The following SCRN3 variants were observed in gnomAD, a reference collection of about 807,000 sequenced individuals.
SCRN3 encodes the protein secernin-3.
A neutral mutation model predicts 43.1 loss-of-function variants in SCRN3; 39 were observed. The ratio of observed to expected loss-of-function variants is 0.91; its 90% confidence interval spans 0.70 to 1.18. The LOEUF (loss-of-function observed/expected upper bound fraction) is 1.18. SCRN3 is among the 50% of genes most tolerant of loss of function. SCRN3 has a pLI of 0.00. For synonymous variants in SCRN3, 147 were observed against 163.1 expected, an observed-to-expected ratio of 0.90 and a Z score of 0.75; for missense variants, 484 against 498.0, an observed-to-expected ratio of 0.97 and a Z score of 0.27.
At chr2:174,421,679 A>T (rs572617726) in intron 5 of SCRN3, among the ~76,000 whole-genome samples, 1 of 152,168 alleles carries the variant, frequency 6.6e-6, no homozygotes, top group South Asian at 2.1e-4. Flanking sequence ...TTCAGATTGT[A>T]TCATAGTCTG....
At chr2:174,402,764 A>C (rs1403593864) in intron 4 of SCRN3, among the ~76,000 whole-genome samples, 1 of 152,160 alleles carries the variant, frequency 6.6e-6, no homozygotes, top group Non-Finnish European at 1.5e-5. Context: ...CATGACTTGG[A>C]TCTGGTTTTT....
At position 174,429,200 on chromosome 2, in the gene SCRN3, T is replaced by C. The variant is rs1686582711; in HGVS notation, c.*1305T>C. ...ACCCCTATACTCCTCTTCTCTCCTT[T>C]AATAGATGAGGAAACTAAGGGCAAA... On this transcript the variant is annotated 3_prime_UTR_variant, in exon 8 of 8. Coordinates refer to ENST00000272732, the MANE Select transcript of SCRN3 (RefSeq NM_024583.5). The C allele has an allele frequency of 6.6e-6, 1 of 152,220 alleles. No homozygotes were observed. The highest frequency in any genetic ancestry group is 1.5e-5 in the Non-Finnish European group (1 of 68,034). 9.4% of individuals were successfully genotyped at this position (152,220 alleles called of 1,614,324 possible). A position where few individuals can be genotyped will look rare whatever the true frequency, so the allele number is the denominator to read the frequency against.
At chr2:174,413,670 A>G (rs1686008028) in intron 5 of SCRN3, among the ~76,000 whole-genome samples, 1 of 144,880 alleles carries the variant, frequency 6.9e-6, no homozygotes, top group African/African-American at 2.6e-5. Context: ...GGCTCACTGC[A>G]ACCTCCTCCT....
At chr2:174,420,199 T>G (rs1686250993) in intron 5 of SCRN3, among the ~76,000 whole-genome samples, 1 of 152,016 alleles carries the variant, frequency 6.6e-6, no homozygotes, top group African/African-American at 2.4e-5. Context: ...TCACAAGGCC[T>G]TAGGGACAAA....
At chr2:174,426,319 A>C (rs1686479134) in intron 7 of SCRN3, among the ~76,000 whole-genome samples, 1 of 152,192 alleles carries the variant, frequency 6.6e-6, no homozygotes, top group African/African-American at 2.4e-5. Flanking sequence ...AAGGTAACAA[A>C]TTATTCCAAT....
In SCRN3 at chr2:174,399,842, G is replaced by T. The variant is rs1685440844; in HGVS notation, c.160-80G>T. 4 of 1,075,590 alleles carry T rather than the reference G, an allele frequency of 3.7e-6. No homozygotes were observed. In the East Asian group the frequency reaches 9.5e-5, roughly 25 times the overall value. 66.6% of individuals were successfully genotyped at this position (1,075,590 alleles called of 1,614,324 possible). On this transcript the variant is annotated intron_variant, in intron 2 of 7. Transcript: ENST00000272732. ...TTCATAACAGTTTTGTCTTCTGACT[G>T]ATTTTTTTAAATTCTGGATTTTGAT...
rs764106053 is a variant in SCRN3, at chr2:174,398,311, G to A, written c.28G>A (p.Val10Met). 2.4e-5 allele frequency: 38 copies of A among 1,578,274 alleles called. 1 individual carries two copies. The South Asian group carries it at 3.4e-4, about 14-fold the overall frequency. The change falls in exon 2 of 8, where the codon GTG becomes ATG. Residue 10 changes from valine to methionine, a missense_variant. Val to Met is a conservative substitution (Grantham distance 21). Coordinates refer to ENST00000272732, the MANE Select transcript of SCRN3 (RefSeq NM_024583.5). ...GGAACCTTTTTCCTGTGACACTTTC[G>A]TGGCATTACCTCCAGCAACAGTCGA... MEPFSCDTFVALPPATVDNR... is the reference protein window; with the variant it reads MEPFSCDTFMALPPATVDNR...
At chr2:174,418,629 A>T (rs1355529697) in intron 5 of SCRN3, among the ~76,000 whole-genome samples, 1 of 152,192 alleles carries the variant, frequency 6.6e-6, no homozygotes, top group East Asian at 1.9e-4. Context: ...GTAGGTTTTG[A>T]ATACAGAAAA....
chr2:174,397,388 A>G, intron 1 of SCRN3: 1 of 947,474 alleles, frequency 1.1e-6, no homozygotes, highest in Non-Finnish European at 1.3e-6. Flanking sequence ...AAGATTTTCC[A>G]AGTTACAACT....
intron 6 of SCRN3, 97 bp downstream of exon 6, chr2:174,423,144 C>T (rs1446649212): frequency 3.5e-6 from 3 of 854,814 alleles, no homozygotes; most frequent in Middle Eastern, 2.7e-4. Flanking sequence ...TTTTGTTATA[C>T]AACTAGGACA....
intron 5 of SCRN3, among the ~76,000 whole-genome samples, chr2:174,421,161 T>C (rs1478874808): frequency 6.6e-6 from 1 of 152,136 alleles, no homozygotes; most frequent in African/African-American, 2.4e-5. Context: ...GATTGTAAAA[T>C]GACAACTTTA....
At chr2:174,404,364 T>C (rs1685616128) in intron 5 of SCRN3, 49 bp downstream of exon 5, 1 of 1,271,016 alleles carries the variant, frequency 7.9e-7, no homozygotes, top group African/African-American at 1.5e-5. Context: ...ACATTTTGTG[T>C]AGATGTAATA....
chr2:174,410,003 G>A (rs542135093), intron 5 of SCRN3: 3,103 of 151,364 alleles, frequency 0.021, 64 homozygotes, highest in African/African-American at 0.069. Flanking sequence ...CGAGCTTCCC[G>A]GCTGCTTTGT....
At chr2:174,399,669 T>C (rs1182507955) in intron 2 of SCRN3, among the ~76,000 whole-genome samples, 7 of 152,188 alleles carry the variant, frequency 4.6e-5, no homozygotes, top group Non-Finnish European at 1.0e-4. Context: ...TCTTTGTAAC[T>C]AACATATCTC....
intron 7 of SCRN3, among the ~76,000 whole-genome samples, chr2:174,426,771 C>CCAAAACAAAA (rs201684673): frequency 2.5e-3 from 384 of 151,434 alleles, no homozygotes; most frequent in Non-Finnish European, 4.7e-3. Context: ...GACTCCATCT[C>CCAAAACAAAA]CAAAACAAAA....
At position 174,411,551 on chromosome 2, in the gene SCRN3, C is replaced by G. The variant is rs562009983; in HGVS notation, c.754+7236C>G. 2.0e-5 allele frequency among the ~76,000 whole-genome samples: 3 copies of G among 152,198 alleles called. No homozygotes were observed. The East Asian group carries it at 5.8e-4, about 29-fold the overall frequency. On this transcript the variant is annotated intron_variant, in intron 5 of 7. Transcript: ENST00000272732. ...TCTCTACAAGTTCCATTGGTTCGTT[C>G]TGTATAACTCCCATTTCTCTATTCT...
chr2:174,396,435 T>G (rs1180124640), intron 1 of SCRN3: 1 of 448,550 alleles, frequency 2.2e-6, no homozygotes, highest in Non-Finnish European at 2.9e-6. Flanking sequence ...ACTCCAGGTT[T>G]TTGAGTGGAC....
chr2:174,422,987 T>A lies in SCRN3; in HGVS notation c.857T>A (p.Leu286Ter), dbSNP rs375309399. 2.5e-6 allele frequency: 4 copies of A among 1,613,860 alleles called. No homozygotes were observed. The highest frequency in any genetic ancestry group is 3.4e-6 in the Non-Finnish European group (4 of 1,179,888). Residue 286 changes from leucine to a stop codon, truncating the protein, a stop_gained, in exon 6 of 8, where the codon TTA becomes TAA. Transcript: ENST00000272732. LOFTEE classifies it high-confidence loss of function. ...FLTTASMVSI[L>*]PQDSSLPCIH... ...ACCACTGCAAGCATGGTTTCTATTT[T>A]ACCTCAAGACTCCAGCCTTCCTTGC... is the stretch of plus-strand genomic sequence containing the variant.
intron 4 of SCRN3, 115 bp from the exon 5 acceptor site, chr2:174,403,988 A>G: frequency 1.3e-6 from 1 of 742,300 alleles, no homozygotes; most frequent in South Asian, 2.1e-5. Context: ...ATGGCACAAA[A>G]TTTAGAAGTC....
Sources: allele counts gnomAD v4.1 joint callset (sites outside exome capture counted in the v4.1 genomes callset), GRCh38; gene constraint gnomAD v4.1.1; transcripts MANE v1.5; gene names NCBI Gene and HGNC (gene_info 2026-07-23, HGNC 2026-07-21).